Variants in FILIP1 observed in about 807,000 individuals in gnomAD.
FILIP1 encodes the protein filamin A interacting protein 1.
A neutral mutation model predicts 102.1 loss-of-function variants in FILIP1; 61 were observed. The ratio of observed to expected loss-of-function variants is 0.60; its 90% CI spans 0.49 to 0.74. The LOEUF (loss-of-function observed/expected upper bound fraction) is 0.74. Ranked by LOEUF, FILIP1 falls within the 30% of genes least tolerant of loss-of-function variation. The probability of loss-of-function intolerance (pLI) is 0.00; values close to 1 mark genes in which losing one functional copy is unlikely to be tolerated. For synonymous variants in FILIP1, 491 were observed against 526.9 expected, an observed-to-expected ratio of 0.93 and a Z score of 0.93; for missense variants, 1,314 against 1,441.2, an observed-to-expected ratio of 0.91 and a Z score of 1.43.
At chr6:75,317,511 A>G (rs1253674666) in intron 4 of FILIP1, among the ~76,000 whole-genome samples, 1 of 152,208 alleles carries the variant, frequency 6.6e-6, no homozygotes, top group Non-Finnish European at 1.5e-5. Context: ...TTCTATATTT[A>G]ACCAATAAAT....
At chr6:75,407,277 G>A (rs1233013773) in intron 2 of FILIP1, among the ~76,000 whole-genome samples, 1 of 151,960 alleles carries the variant, frequency 6.6e-6, no homozygotes, top group Non-Finnish European at 1.5e-5. Flanking sequence ...CCAGGCTGGA[G>A]TGCAGTGGCA....
chr6:75,351,893 T>C (rs1014573866), intron 4 of FILIP1, among the ~76,000 whole-genome samples: 9 of 152,228 alleles, frequency 5.9e-5, no homozygotes, highest in Non-Finnish European at 1.3e-4. Flanking sequence ...AGGTGGGATT[T>C]ATTTTCACTG....
intron 1 of FILIP1, among the ~76,000 whole-genome samples, chr6:75,444,268 T>C (rs919176167): frequency 2.0e-5 from 3 of 152,214 alleles, no homozygotes; most frequent in African/African-American, 7.2e-5. Flanking sequence ...TCTTTGAGTG[T>C]CTCTGGTTCT....
chr6:75,471,510 G>A (rs1471732630), intron 1 of FILIP1, among the ~76,000 whole-genome samples: 1 of 152,192 alleles, frequency 6.6e-6, no homozygotes, highest in East Asian at 1.9e-4. Flanking sequence ...TTAAATATAA[G>A]TATTGCGCAT....
chr6:75,343,652 A>G (rs778125960), intron 4 of FILIP1, among the ~76,000 whole-genome samples: 29 of 152,178 alleles, frequency 1.9e-4, no homozygotes, highest in East Asian at 3.8e-4. Context: ...CACACCAGAT[A>G]TTGATTTCTG....
In FILIP1 at chr6:75,341,369, G is replaced by C. The variant is rs181273101; in HGVS notation, c.629+12170C>G. Among the ~76,000 whole-genome samples, 5 of 151,840 alleles carry C rather than the reference G, an allele frequency of 3.3e-5. No homozygotes were observed. In the East Asian group the frequency reaches 9.7e-4, roughly 29 times the overall value. On this transcript the variant is annotated intron_variant, in intron 4 of 5. Transcript: ENST00000237172. ...GATGAGGTTTCACTATGTTGCCAAG[G>C]CTGGTCTTGAACTCCTGGGATCAAG...
At chr6:75,398,221 G>C (rs1040724311) in intron 2 of FILIP1, 1 of 152,046 alleles carries the variant, frequency 6.6e-6, no homozygotes, top group African/African-American at 2.4e-5. Flanking sequence ...ACAGAGTTTG[G>C]AAAAAATATT....
At chr6:75,482,101 C>T (rs550646920) in intron 1 of FILIP1, among the ~76,000 whole-genome samples, 1 of 152,204 alleles carries the variant, frequency 6.6e-6, no homozygotes, top group Non-Finnish European at 1.5e-5. Flanking sequence ...ATTTCACGTG[C>T]TCATTTTGGT....
intron 1 of FILIP1, among the ~76,000 whole-genome samples, chr6:75,460,437 G>T (rs1435002717): frequency 6.6e-6 from 1 of 151,966 alleles, no homozygotes. Context: ...AATATTATTT[G>T]GGGAAAAATC....
At chr6:75,406,746 G>A (rs868812964) in intron 2 of FILIP1, among the ~76,000 whole-genome samples, 2 of 144,306 alleles carry the variant, frequency 1.4e-5, no homozygotes, top group Non-Finnish European at 3.0e-5. Context: ...TGCAACCTCC[G>A]CCTCCCAGGT....
intron 4 of FILIP1, among the ~76,000 whole-genome samples, chr6:75,331,961 A>T (rs1774099913): frequency 6.6e-6 from 1 of 152,216 alleles, no homozygotes; most frequent in Admixed American, 6.5e-5. Context: ...GGGATCCCAG[A>T]GGGCTCTCAC....
chr6:75,483,082 G>T (rs1360431521), intron 1 of FILIP1, among the ~76,000 whole-genome samples: 2 of 151,608 alleles, frequency 1.3e-5, no homozygotes, highest in Non-Finnish European at 2.9e-5. Context: ...TTTCATCTTA[G>T]TAAGATTCAT....
At chr6:75,459,762 A>G (rs145700227) in intron 1 of FILIP1, among the ~76,000 whole-genome samples, 165 of 152,286 alleles carry the variant, frequency 1.1e-3, no homozygotes, top group African/African-American at 3.9e-3. Context: ...CCAATTGTCA[A>G]ATATATTTCT....
intron 4 of FILIP1, among the ~76,000 whole-genome samples, chr6:75,327,220 A>G (rs1366026222): frequency 1.3e-5 from 2 of 152,208 alleles, no homozygotes; most frequent in African/African-American, 4.8e-5. Context: ...CCTGCATTCA[A>G]TTCATCAGCA....
At chr6:75,403,244 T>C (rs1197166619) in intron 2 of FILIP1, among the ~76,000 whole-genome samples, 1 of 151,998 alleles carries the variant, frequency 6.6e-6, no homozygotes, top group Non-Finnish European at 1.5e-5. Context: ...CCAAGTGTAG[T>C]TGTTCATGCC....
intron 2 of FILIP1, among the ~76,000 whole-genome samples, chr6:75,382,041 A>C (rs553270293): frequency 2.6e-5 from 4 of 152,340 alleles, no homozygotes; most frequent in Admixed American, 2.6e-4. Context: ...CTCACTGGGT[A>C]ATGTTTCCTG....
chr6:75,370,760 A>G (rs1290205921), intron 2 of FILIP1, among the ~76,000 whole-genome samples: 1 of 151,806 alleles, frequency 6.6e-6, no homozygotes, highest in Non-Finnish European at 1.5e-5. Flanking sequence ...TATTTTTAGT[A>G]GAGACAGGGT....
At chr6:75,394,883 C>G (rs1185188002) in intron 2 of FILIP1, among the ~76,000 whole-genome samples, 1 of 152,056 alleles carries the variant, frequency 6.6e-6, no homozygotes, top group African/African-American at 2.4e-5. Context: ...TTTGACCCAG[C>G]AATTTCAATT....
At chr6:75,341,204 A>G (rs1478622861) in intron 4 of FILIP1, among the ~76,000 whole-genome samples, 3 of 150,626 alleles carry the variant, frequency 2.0e-5, no homozygotes, top group African/African-American at 7.3e-5. Flanking sequence ...TCTGTTACCC[A>G]GGCTGGAGTG....
Sources: gnomAD v4.1 joint callset for allele counts (sites outside exome capture counted in the v4.1 genomes callset) on GRCh38, gnomAD v4.1.1 for gene constraint, MANE v1.5 for transcripts, NCBI Gene and HGNC (gene_info 2026-07-23, HGNC 2026-07-21) for gene names.